The following TCF7L1 variants were observed in gnomAD, a reference collection of about 807,000 sequenced individuals.
TCF7L1 encodes transcription factor 7 like 1, also known as transcription factor 7-like 1.
In TCF7L1, 18 loss-of-function variants were observed where a neutral mutation model predicts 63.7. The ratio of observed to expected loss-of-function variants is 0.28; its 90% confidence interval spans 0.20 to 0.42. TCF7L1 has a LOEUF of 0.42. Among genes scored for constraint, TCF7L1 ranks in the 10% least tolerant of loss-of-function variants. TCF7L1 has a pLI of 1.00. For missense variants in TCF7L1, 654 were observed against 779.3 expected, an observed-to-expected ratio of 0.84 and a Z score of 1.91; for synonymous variants, 355 against 340.9, an observed-to-expected ratio of 1.04 and a Z score of -0.46.
At chr2:85,242,382 T>C (rs1213636184) in intron 3 of TCF7L1, among the ~76,000 whole-genome samples, 1 of 152,174 alleles carries the variant, frequency 6.6e-6, no homozygotes, top group African/African-American at 2.4e-5. Flanking sequence ...TTACCTCCCT[T>C]CTTTCTGGGA....
At chr2:85,189,751 C>T (rs1008111079) in intron 3 of TCF7L1, among the ~76,000 whole-genome samples, 2 of 152,218 alleles carry the variant, frequency 1.3e-5, no homozygotes, top group African/African-American at 4.8e-5. Flanking sequence ...TGAAAGGGCC[C>T]ATTCAGGGGC....
At chr2:85,245,659 C>CA (rs1273347715) in intron 3 of TCF7L1, among the ~76,000 whole-genome samples, 2 of 151,886 alleles carry the variant, frequency 1.3e-5, no homozygotes, top group African/African-American at 4.8e-5. Flanking sequence ...AAAAAAAATA[C>CA]AAAAAATGAG....
intron 4 of TCF7L1, among the ~76,000 whole-genome samples, chr2:85,284,320 T>C (rs1408699778): frequency 6.6e-6 from 1 of 152,192 alleles, no homozygotes. Flanking sequence ...GAAGAGGCTC[T>C]TCTGTACAGG....
chr2:85,292,633 G>A (rs1681753742), intron 4 of TCF7L1, among the ~76,000 whole-genome samples: 1 of 152,126 alleles, frequency 6.6e-6, no homozygotes, highest in African/African-American at 2.4e-5. Context: ...CTGGAGTGCA[G>A]TGGCACAATC....
At chr2:85,256,213 C>A (rs371418642) in intron 3 of TCF7L1, among the ~76,000 whole-genome samples, 3 of 152,190 alleles carry the variant, frequency 2.0e-5, no homozygotes, top group Non-Finnish European at 2.9e-5. Flanking sequence ...GCGTCCCCCC[C>A]GCCCCAACCC....
At position 85,199,851 on chromosome 2, in the gene TCF7L1, G is replaced by A. The variant is rs188038964; in HGVS notation, c.441+65401G>A. Among the ~76,000 whole-genome samples, 225 of 152,104 alleles carry A rather than the reference G, an allele frequency of 1.5e-3. 1 individual carries two copies. The highest frequency in any genetic ancestry group is 5.1e-3 in the African/African-American group (210 of 41,494). ...AGTTCAGTGGCTTTAGTATACTCAC[G>A]GAGTTGTGCAACCATCACCACTCTC... On this transcript the variant is annotated intron_variant, in intron 3 of 11. Transcript: ENST00000282111.
At chr2:85,289,579 G>A (rs1296740324) in intron 4 of TCF7L1, among the ~76,000 whole-genome samples, 2 of 152,206 alleles carry the variant, frequency 1.3e-5, no homozygotes, top group African/African-American at 4.8e-5. Flanking sequence ...TTAGTGCAAA[G>A]GCAGAAATAT....
At chr2:85,261,624 G>C (rs576119117) in intron 3 of TCF7L1, among the ~76,000 whole-genome samples, 23 of 152,328 alleles carry the variant, frequency 1.5e-4, no homozygotes, top group African/African-American at 5.1e-4. Flanking sequence ...AAGCGTGGTG[G>C]CTCACACCTG....
chr2:85,300,843 G>A (rs1035629474), intron 4 of TCF7L1, among the ~76,000 whole-genome samples: 11 of 150,436 alleles, frequency 7.3e-5, no homozygotes, highest in African/African-American at 2.0e-4. Flanking sequence ...GCAGTGGCAC[G>A]ATCTCGGCTC....
rs369616850 is a variant in TCF7L1, at chr2:85,214,208, G to A, written c.442-69287G>A. Among the ~76,000 whole-genome samples, 39 of 152,342 alleles carry A rather than the reference G, an allele frequency of 2.6e-4. No individual in the cohort carries two copies. The East Asian group carries it at 7.0e-3, about 27-fold the overall frequency. On this transcript the variant is annotated intron_variant, in intron 3 of 11. Coordinates refer to ENST00000282111, the MANE Select transcript of TCF7L1 (RefSeq NM_031283.3). ...GGAGTGAAAGATGGTGGCTGTCAGC[G>A]TGTCAAGGATGACGGGTGGCAAGAG...
At chr2:85,209,812 G>A (rs913808173) in intron 3 of TCF7L1, among the ~76,000 whole-genome samples, 5 of 152,148 alleles carry the variant, frequency 3.3e-5, no homozygotes, top group Non-Finnish European at 5.9e-5. Flanking sequence ...ATTATGAGGT[G>A]ATTTATTTCC....
chr2:85,266,684 C>T (rs1056902860), intron 3 of TCF7L1, among the ~76,000 whole-genome samples: 1 of 152,376 alleles, frequency 6.6e-6, no homozygotes. Flanking sequence ...TGAGCATGCT[C>T]TGCATGCCTT....
chr2:85,157,681 T>A (rs1001162716), intron 3 of TCF7L1, among the ~76,000 whole-genome samples: 1 of 152,240 alleles, frequency 6.6e-6, no homozygotes, highest in African/African-American at 2.4e-5. Flanking sequence ...GCCTGAACCT[T>A]GTCCCTAAGA....
At chr2:85,149,721 C>T (rs1209053575) in intron 3 of TCF7L1, among the ~76,000 whole-genome samples, 1 of 152,110 alleles carries the variant, frequency 6.6e-6, no homozygotes, top group Non-Finnish European at 1.5e-5. Context: ...GACAGGGTTT[C>T]ACTATGTTGG....
chr2:85,203,811 A>G (rs1344343702), intron 3 of TCF7L1, among the ~76,000 whole-genome samples: 1 of 152,190 alleles, frequency 6.6e-6, no homozygotes, highest in African/African-American at 2.4e-5. Context: ...TTCTAAATAG[A>G]TTAAAAAGAA....
At chr2:85,144,417 CA>C (rs55964315) in intron 3 of TCF7L1, among the ~76,000 whole-genome samples, 52,886 of 95,050 alleles carry the variant, frequency 0.56, 11,011 homozygotes, top group East Asian at 0.78. Context: ...CCTGTCTCTA[CA>C]AAAAAAAAAA....
At chr2:85,307,748 G>T in intron 11 of TCF7L1, 31 bp downstream of exon 11, 17 of 1,603,476 alleles carry the variant, frequency 1.1e-5, no homozygotes, top group Non-Finnish European at 1.5e-5. Flanking sequence ...CTCTTCTCCT[G>T]CTTTTCCTTT....
intron 3 of TCF7L1, among the ~76,000 whole-genome samples, chr2:85,257,787 C>T (rs1456083710): frequency 6.6e-6 from 1 of 152,186 alleles, no homozygotes; most frequent in Non-Finnish European, 1.5e-5. Flanking sequence ...GGGACTGCCC[C>T]GGAATCAGGA....
intron 4 of TCF7L1, among the ~76,000 whole-genome samples, chr2:85,284,489 C>A (rs961916367): frequency 5.3e-5 from 8 of 152,168 alleles, no homozygotes; most frequent in African/African-American, 1.9e-4. Context: ...CTCTGGCCTC[C>A]TCAGGACATG....
Sources: gnomAD v4.1 joint callset for allele counts (sites outside exome capture counted in the v4.1 genomes callset) on GRCh38, gnomAD v4.1.1 for gene constraint, MANE v1.5 for transcripts, NCBI Gene and HGNC (gene_info 2026-07-23, HGNC 2026-07-21) for gene names.